The following TRPM3 variants were observed in gnomAD, a reference collection of about 807,000 sequenced individuals.
TRPM3 encodes the protein transient receptor potential cation channel subfamily M member 3.
Under a neutral mutation model 181.2 loss-of-function variants are expected in TRPM3, and 77 were observed. The observed-to-expected ratio is 0.42, with a 90% CI of 0.35 to 0.51. The LOEUF is 0.51. TRPM3 is among the 20% of genes least tolerant of loss of function. TRPM3 has a pLI of 0.01. For synonymous variants in TRPM3, 745 were observed against 796.4 expected, an observed-to-expected ratio of 0.94 and a Z score of 1.09; for missense variants, 1,759 against 2,196.7, an observed-to-expected ratio of 0.80 and a Z score of 3.98.
intron 7 of TRPM3, among the ~76,000 whole-genome samples, chr9:70,780,273 C>A (rs1435977964): frequency 6.6e-6 from 1 of 152,204 alleles, no homozygotes; most frequent in East Asian, 1.9e-4. Flanking sequence ...TAACTTAAAA[C>A]ATTTTTAATC....
At chr9:70,819,911 A>T (rs150863605) in intron 6 of TRPM3, among the ~76,000 whole-genome samples, 85 of 152,358 alleles carry the variant, frequency 5.6e-4, no homozygotes, top group Middle Eastern at 3.4e-3. Context: ...GAGCCTGAAG[A>T]CAACTAGATT....
chr9:70,763,423 A>G (rs1195645121), intron 7 of TRPM3, among the ~76,000 whole-genome samples: 1 of 151,992 alleles, frequency 6.6e-6, no homozygotes, highest in East Asian at 1.9e-4. Context: ...AGGTGGGAGG[A>G]CCACTTCAGC....
intron 1 of TRPM3, among the ~76,000 whole-genome samples, chr9:71,190,578 G>A (rs2077958475): frequency 6.6e-6 from 1 of 151,838 alleles, no homozygotes. Flanking sequence ...TTAAGAGTAG[G>A]ATAAAGGGAA....
At chr9:71,440,709 A>C (rs1467361483) in intron 1 of TRPM3, among the ~76,000 whole-genome samples, 1 of 152,228 alleles carries the variant, frequency 6.6e-6, no homozygotes, top group Non-Finnish European at 1.5e-5. Context: ...AGTACTTACC[A>C]TGGTGCCTAA....
chr9:71,330,863 G>T (rs2132531844), intron 1 of TRPM3, among the ~76,000 whole-genome samples: 1 of 151,792 alleles, frequency 6.6e-6, no homozygotes, highest in African/African-American at 2.4e-5. Flanking sequence ...CTTTCCTGGT[G>T]GGGTTTCCAT....
intron 1 of TRPM3, among the ~76,000 whole-genome samples, chr9:71,185,884 A>T (rs2077649184): frequency 6.6e-6 from 1 of 152,226 alleles, no homozygotes; most frequent in South Asian, 2.1e-4. Context: ...GTACTGCATT[A>T]ACAAAGTACT....
intron 1 of TRPM3, among the ~76,000 whole-genome samples, chr9:71,109,297 GTTTT>G (rs201781457): frequency 5.6e-5 from 8 of 144,122 alleles, no homozygotes; most frequent in African/African-American, 1.0e-4. Context: ...CTTCTGGTTT[GTTTT>G]TTTTTTTCTG....
At chr9:71,210,099 A>T (rs2174305) in intron 1 of TRPM3, among the ~76,000 whole-genome samples, 65,261 of 151,862 alleles carry the variant, frequency 0.43, 14,406 homozygotes, top group East Asian at 0.52. Flanking sequence ...ATTTACAGCC[A>T]CTCCCCATGG....
At chr9:71,223,761 A>AGGC (rs1261227445) in intron 1 of TRPM3, among the ~76,000 whole-genome samples, 2 of 152,182 alleles carry the variant, frequency 1.3e-5, no homozygotes, top group South Asian at 2.1e-4. Flanking sequence ...CACTCCCTGT[A>AGGC]GGCCTGTGGT....
At chr9:70,564,743 T>C (rs1048093594) in intron 22 of TRPM3, among the ~76,000 whole-genome samples, 1 of 152,138 alleles carries the variant, frequency 6.6e-6, no homozygotes, top group South Asian at 2.1e-4. Flanking sequence ...AAAGAAATAA[T>C]CTATGGCTCT....
intron 5 of TRPM3, among the ~76,000 whole-genome samples, chr9:70,840,357 C>G (rs2094561563): frequency 6.6e-6 from 1 of 152,132 alleles, no homozygotes; most frequent in Admixed American, 6.6e-5. Context: ...TTCCTGTGTT[C>G]TCTATAACCT....
At chr9:70,920,003 G>T (rs1281810381) in intron 1 of TRPM3, among the ~76,000 whole-genome samples, 1 of 152,076 alleles carries the variant, frequency 6.6e-6, no homozygotes, top group African/African-American at 2.4e-5. Context: ...TTACTAAATT[G>T]ATCTTCAAGA....
intron 1 of TRPM3, among the ~76,000 whole-genome samples, chr9:71,322,916 G>A (rs574397722): frequency 6.6e-6 from 1 of 152,134 alleles, no homozygotes; most frequent in African/African-American, 2.4e-5. Context: ...TAGCTGAAGG[G>A]TAATAGTTCA....
rs920642243 is a variant in TRPM3 at position 70,535,641 on chromosome 9, C to T, written c.*312G>A. On this transcript the variant is annotated 3_prime_UTR_variant, in exon 26 of 26. Coordinates refer to ENST00000677713, the MANE Select transcript of TRPM3 (RefSeq NM_001366145.2). ...GCGTGCTCGAAGCCCCTTGTTTCCC[C>T]TGCTCTCATGGCTTTCTGCTGTGAC... 6.8e-5 allele frequency: 98 copies of T among 1,449,982 alleles called. No individual in the cohort carries two copies. Among genetic ancestry groups the T allele is most frequent in the Admixed American group, 3.8e-4 (14 of 37,018 alleles). The allele number at this position is 1,449,982 out of a possible 1,614,324, so 89.8% of individuals were successfully genotyped here.
chr9:71,352,049 G>A (rs2091667933), intron 1 of TRPM3, among the ~76,000 whole-genome samples: 1 of 151,836 alleles, frequency 6.6e-6, no homozygotes, highest in South Asian at 2.1e-4. Flanking sequence ...CTAATTTTTT[G>A]TATTTTTAGT....
intron 1 of TRPM3, among the ~76,000 whole-genome samples, chr9:71,314,457 G>C (rs1224661319): frequency 6.6e-6 from 1 of 152,020 alleles, no homozygotes; most frequent in East Asian, 1.9e-4. Context: ...TTTTAAAATT[G>C]GGAAAATTAT....
intron 6 of TRPM3, among the ~76,000 whole-genome samples, chr9:70,818,930 G>A (rs1287109057): frequency 2.0e-5 from 3 of 152,118 alleles, no homozygotes; most frequent in Admixed American, 2.0e-4. Context: ...GATTTAGGAC[G>A]CCAGAGCCTT....
intron 1 of TRPM3, among the ~76,000 whole-genome samples, chr9:70,957,575 A>G (rs560903521): frequency 6.6e-6 from 1 of 152,354 alleles, no homozygotes; most frequent in African/African-American, 2.4e-5. Context: ...CATCCAACAA[A>G]ATAGGTACTT....
intron 5 of TRPM3, among the ~76,000 whole-genome samples, chr9:70,830,667 G>C (rs1219147947): frequency 1.3e-5 from 2 of 152,186 alleles, no homozygotes; most frequent in Non-Finnish European, 2.9e-5. Context: ...CTGAATCGTG[G>C]AATAATTCTG....
Sources: allele counts gnomAD v4.1 joint callset (sites outside exome capture counted in the v4.1 genomes callset), GRCh38; gene constraint gnomAD v4.1.1; transcripts MANE v1.5; gene names NCBI Gene and HGNC (gene_info 2026-07-23, HGNC 2026-07-21).